Variants in ADGRV1 observed in about 807,000 individuals in gnomAD.
ADGRV1 encodes the protein G-protein coupled receptor 98.
A neutral mutation model predicts 596.2 loss-of-function variants in ADGRV1; 359 were observed. That is an observed-to-expected ratio of 0.60 (90% confidence interval 0.55 to 0.66). The LOEUF (loss-of-function observed/expected upper bound fraction) is 0.66. Ranked by LOEUF, ADGRV1 falls within the 30% of genes least tolerant of loss-of-function variation. ADGRV1 has a pLI of 0.00. For missense variants in ADGRV1, 7,274 were observed against 7,575.6 expected (o/e 0.96, Z 1.48); for synonymous variants, 2,681 against 2,679.2 (o/e 1.00, Z -0.02).
At chr5:90,906,066 C>T (rs1772294786) in intron 83 of ADGRV1, among the ~76,000 whole-genome samples, 1 of 152,002 alleles carries the variant, frequency 6.6e-6, no homozygotes. Context: ...TCTTGCATCC[C>T]CAAGATAAAT....
At chr5:90,843,007 T>C (rs1765567139) in intron 78 of ADGRV1, among the ~76,000 whole-genome samples, 1 of 152,086 alleles carries the variant, frequency 6.6e-6, no homozygotes, top group African/African-American at 2.4e-5. Flanking sequence ...TCTACTAACA[T>C]AGACTTCAGT....
In ADGRV1 at chr5:90,755,170, A is replaced by G. The variant is rs760624323; in HGVS notation, c.11565A>G (p.Glu3855=). 1 of 1,601,726 alleles carries G rather than the reference A, an allele frequency of 6.2e-7. No homozygotes were observed. Among genetic ancestry groups the G allele is most frequent in the Admixed American group, 1.7e-5 (1 of 59,520 alleles). ...AAAACATAAAAGAAGCTCATGCCGA[A>G]GTTTCCATTTTGCCGGTAAGTCAAG... ...MKENIKEAHA[E]VSILPDDLPE... is the part of the protein sequence containing the mutation. The change falls in exon 55 of 90, where the codon GAA becomes GAG. Residue 3855 remains glutamate (E), a synonymous_variant. Coordinates refer to ENST00000405460, the MANE Select transcript of ADGRV1 (RefSeq NM_032119.4).
At chr5:90,619,403 C>G (rs1349190550) in intron 4 of ADGRV1, among the ~76,000 whole-genome samples, 1 of 151,962 alleles carries the variant, frequency 6.6e-6, no homozygotes, top group African/African-American at 2.4e-5. Context: ...ATCTTTTGTC[C>G]TAATCTCTTT....
intron 60 of ADGRV1, 68 bp from the exon 61 acceptor site, chr5:90,776,385 G>A: frequency 6.8e-7 from 1 of 1,471,824 alleles, no homozygotes; most frequent in Non-Finnish European, 9.3e-7. Context: ...TGCTTAGAAA[G>A]TTTCCAGGCA....
chr5:90,688,955 A>T (rs1746084897), intron 29 of ADGRV1, among the ~76,000 whole-genome samples: 1 of 152,174 alleles, frequency 6.6e-6, no homozygotes, highest in East Asian at 1.9e-4. Context: ...TTTATATATA[A>T]GAAAATGACT....
At chr5:90,596,315 C>G (rs1243600699) in intron 1 of ADGRV1, among the ~76,000 whole-genome samples, 2 of 148,540 alleles carry the variant, frequency 1.3e-5, no homozygotes, top group African/African-American at 5.0e-5. Flanking sequence ...ACTGGGCAAC[C>G]AGGCAGAGGG....
intron 59 of ADGRV1, among the ~76,000 whole-genome samples, chr5:90,765,277 A>G (rs2150024558): frequency 6.6e-6 from 1 of 152,274 alleles, no homozygotes; most frequent in Middle Eastern, 3.4e-3. Flanking sequence ...GCTGAGGGGA[A>G]TGGTGACTGT....
chr5:91,003,604 G>C (rs1054902556), intron 85 of ADGRV1, among the ~76,000 whole-genome samples: 3 of 152,114 alleles, frequency 2.0e-5, no homozygotes, highest in African/African-American at 7.2e-5. Flanking sequence ...TAAACAGGGA[G>C]GGAAATCCTG....
At chr5:91,003,037 G>A (rs1266558079) in intron 85 of ADGRV1, among the ~76,000 whole-genome samples, 1 of 152,076 alleles carries the variant, frequency 6.6e-6, no homozygotes, top group African/African-American at 2.4e-5. Context: ...CTGTGTAATA[G>A]ATCTTTCCTT....
intron 85 of ADGRV1, among the ~76,000 whole-genome samples, chr5:91,062,442 AT>A (rs1418096198): frequency 6.6e-6 from 1 of 152,154 alleles, no homozygotes; most frequent in Non-Finnish European, 1.5e-5. Context: ...GGGGTGGAGG[AT>A]GTAGCACAGG....
intron 75 of ADGRV1, 61 bp from the exon 76 acceptor site, chr5:90,823,364 A>G: frequency 1.3e-6 from 2 of 1,503,108 alleles, no homozygotes; most frequent in Non-Finnish European, 9.1e-7. Flanking sequence ...TTGATAATAA[A>G]CTCTATTAGA....
intron 85 of ADGRV1, among the ~76,000 whole-genome samples, chr5:91,007,946 A>AT (rs1562081669): frequency 6.6e-6 from 1 of 151,966 alleles, no homozygotes; most frequent in African/African-American, 2.4e-5. Context: ...CTGCCAAATG[A>AT]TTTTTTACTC....
intron 60 of ADGRV1, 146 bp downstream of exon 60, chr5:90,774,449 T>A: frequency 1.7e-6 from 1 of 575,952 alleles, no homozygotes; most frequent in Non-Finnish European, 3.1e-6. Flanking sequence ...GTATTAAAGG[T>A]TAAGAATTTT....
At chr5:91,062,427 G>T (rs1787519618) in intron 85 of ADGRV1, among the ~76,000 whole-genome samples, 1 of 152,218 alleles carries the variant, frequency 6.6e-6, no homozygotes, top group East Asian at 1.9e-4. Context: ...GTGGCTGGGA[G>T]AGTGGGGGTG....
intron 74 of ADGRV1, 133 bp from the exon 75 acceptor site, chr5:90,815,486 T>A (rs1216363505): frequency 3.9e-6 from 2 of 514,716 alleles, no homozygotes; most frequent in Admixed American, 6.6e-5. Flanking sequence ...AAAGATCTTT[T>A]AACAACTGTA....
chr5:90,851,843 G>A (rs1396486457), intron 79 of ADGRV1, among the ~76,000 whole-genome samples: 1 of 152,166 alleles, frequency 6.6e-6, no homozygotes, highest in Non-Finnish European at 1.5e-5. Flanking sequence ...ATGTGGTGAT[G>A]TTCTTAGTTT....
intron 67 of ADGRV1, among the ~76,000 whole-genome samples, chr5:90,785,996 C>A (rs1759398702): frequency 6.6e-6 from 1 of 152,126 alleles, no homozygotes; most frequent in African/African-American, 2.4e-5. Flanking sequence ...AACTTGGAAC[C>A]AACCCAAATG....
intron 85 of ADGRV1, among the ~76,000 whole-genome samples, chr5:91,040,197 CAAAAT>C (rs1223711525): frequency 2.0e-5 from 3 of 151,890 alleles, no homozygotes; most frequent in Non-Finnish European, 4.4e-5. Flanking sequence ...CATCCATACT[CAAAAT>C]AAAACAGAAT....
chr5:90,915,965 G>A (rs2150714024), intron 83 of ADGRV1, among the ~76,000 whole-genome samples: 1 of 152,208 alleles, frequency 6.6e-6, no homozygotes, highest in Admixed American at 6.5e-5. Context: ...ATTTAAGGTG[G>A]CAGGTTTTGG....
Sources: gnomAD v4.1 joint callset for allele counts (sites outside exome capture counted in the v4.1 genomes callset) on GRCh38, gnomAD v4.1.1 for gene constraint, MANE v1.5 for transcripts, NCBI Gene and HGNC (gene_info 2026-07-23, HGNC 2026-07-21) for gene names.